The following FNDC3A variants were observed in gnomAD, a reference collection of about 807,000 sequenced individuals.
The protein encoded by FNDC3A is fibronectin type III domain containing 3A.
A neutral mutation model predicts 148.9 loss-of-function variants in FNDC3A; 32 were observed. The observed-to-expected ratio is 0.21, with a 90% CI of 0.16 to 0.29. The LOEUF (loss-of-function observed/expected upper bound fraction) is 0.29, where lower values mean the gene tolerates loss of function less well. Ranked by LOEUF, FNDC3A falls within the 10% of genes least tolerant of loss-of-function variation. The pLI, the probability that FNDC3A is intolerant of heterozygous loss-of-function variation, is 1.00. For missense variants in FNDC3A, 1,191 were observed against 1,452.8 expected (o/e 0.82, Z 2.93); for synonymous variants, 472 against 473.6 (o/e 1.00, Z 0.04).
intron 8 of FNDC3A, among the ~76,000 whole-genome samples, chr13:49,150,593 T>G (rs1398562726): frequency 6.6e-6 from 1 of 152,108 alleles, no homozygotes; most frequent in East Asian, 1.9e-4. Context: ...CTCTTGTTAT[T>G]GATTTCTAGT....
intron 2 of FNDC3A, among the ~76,000 whole-genome samples, chr13:49,064,044 A>G (rs1307528039): frequency 2.0e-5 from 3 of 152,192 alleles, no homozygotes; most frequent in African/African-American, 7.2e-5. Flanking sequence ...AAAGGACATC[A>G]ATAAATAGTC....
At chr13:49,205,428 C>A (rs1886603358) in intron 25 of FNDC3A, among the ~76,000 whole-genome samples, 1 of 152,100 alleles carries the variant, frequency 6.6e-6, no homozygotes, top group Admixed American at 6.5e-5. Flanking sequence ...TAAGTGAATC[C>A]TTTTACAGGT....
At chr13:49,039,526 T>TA (rs1294085188) in intron 2 of FNDC3A, among the ~76,000 whole-genome samples, 27 of 152,210 alleles carry the variant, frequency 1.8e-4, no homozygotes, top group Non-Finnish European at 2.8e-4. Flanking sequence ...TCTTAAATCT[T>TA]ATCTATCCTC....
rs190947047 is a variant in FNDC3A at position 49,027,467 on chromosome 13, T to A, written c.99+21178T>A. 8.6e-3 allele frequency among the ~76,000 whole-genome samples: 1,313 copies of A among 152,246 alleles called. 22 individuals are homozygous for A. The highest frequency in any genetic ancestry group is 0.037 in the South Asian group (178 of 4,818). On this transcript the variant is annotated intron_variant, in intron 2 of 25. Coordinates refer to ENST00000492622, the MANE Select transcript of FNDC3A (RefSeq NM_001079673.2). ...AATACAGTATAAATGTATTAAAAAATTTTTTTCTGTCTGATTTAAAAGTGA... is the reference window on the plus strand; with the variant it reads ...AATACAGTATAAATGTATTAAAAAAATTTTTTCTGTCTGATTTAAAAGTGA...
intron 7 of FNDC3A, among the ~76,000 whole-genome samples, chr13:49,142,791 T>C (rs766409846): frequency 2.3e-4 from 35 of 152,234 alleles, no homozygotes; most frequent in Non-Finnish European, 4.7e-4. Context: ...AATTCACTTA[T>C]GAAGTTTTCC....
intron 14 of FNDC3A, among the ~76,000 whole-genome samples, chr13:49,179,727 TC>T (rs1377590693): frequency 6.6e-6 from 1 of 152,206 alleles, no homozygotes; most frequent in African/African-American, 2.4e-5. Context: ...AGATTTGGGA[TC>T]CCCTACAAGC....
At chr13:49,054,292 ACAAC>A (rs1302064955) in intron 2 of FNDC3A, among the ~76,000 whole-genome samples, 1 of 152,194 alleles carries the variant, frequency 6.6e-6, no homozygotes, top group African/African-American at 2.4e-5. Flanking sequence ...TCTGTAGTAT[ACAAC>A]CTGTAGTATA....
intron 3 of FNDC3A, among the ~76,000 whole-genome samples, chr13:49,093,665 T>C (rs1254809391): frequency 1.3e-5 from 2 of 152,194 alleles, no homozygotes; most frequent in Non-Finnish European, 2.9e-5. Flanking sequence ...TTCTCAAACA[T>C]AGAGTACCTA....
chr13:49,159,789 C>T (rs1000646029), intron 8 of FNDC3A, among the ~76,000 whole-genome samples: 1 of 152,142 alleles, frequency 6.6e-6, no homozygotes, highest in African/African-American at 2.4e-5. Flanking sequence ...GAGAGACGTC[C>T]CATCAATACC....
intron 1 of FNDC3A, among the ~76,000 whole-genome samples, chr13:48,983,996 CAG>C (rs1329936390): frequency 6.6e-6 from 1 of 151,798 alleles, no homozygotes; most frequent in African/African-American, 2.4e-5. Context: ...TATGAGATAA[CAG>C]AAAAAGATTT....
At chr13:48,975,800 G>C (rs1951586259), upstream of FNDC3A, 1 of 151,740 alleles carries the variant, frequency 6.6e-6, no homozygotes. Context: ...CTCGCGTTCC[G>C]GTGAGAGAGC....
chr13:49,057,933 T>TC (rs774469685), intron 2 of FNDC3A, among the ~76,000 whole-genome samples: 9 of 151,820 alleles, frequency 5.9e-5, no homozygotes, highest in African/African-American at 1.5e-4. Flanking sequence ...GAATTGTATC[T>TC]CCCCCCCAAA....
At chr13:49,044,735 T>C (rs1352061878) in intron 2 of FNDC3A, 6 of 390,908 alleles carry the variant, frequency 1.5e-5, no homozygotes, top group South Asian at 9.0e-5. Flanking sequence ...GAACAAGATA[T>C]AGCAATAGCT....
chr13:49,015,363 A>G (rs962549480), intron 2 of FNDC3A, among the ~76,000 whole-genome samples: 1 of 152,060 alleles, frequency 6.6e-6, no homozygotes, highest in East Asian at 1.9e-4. Context: ...TTGAAGCAAT[A>G]GTGAATGGGA....
chr13:49,164,961 T>C (rs1008952900), intron 8 of FNDC3A, among the ~76,000 whole-genome samples: 1 of 152,244 alleles, frequency 6.6e-6, no homozygotes, highest in Non-Finnish European at 1.5e-5. Flanking sequence ...GTTGATGCTT[T>C]TGAATGTGTT....
At chr13:49,171,117 C>T (rs1190441214) in intron 10 of FNDC3A, among the ~76,000 whole-genome samples, 1 of 152,098 alleles carries the variant, frequency 6.6e-6, no homozygotes, top group Admixed American at 6.5e-5. Context: ...CCCTAACTTA[C>T]AAGCAAATTC....
chr13:49,120,301 A>G (rs1301123498), intron 4 of FNDC3A, among the ~76,000 whole-genome samples: 1 of 152,150 alleles, frequency 6.6e-6, no homozygotes, highest in Non-Finnish European at 1.5e-5. Flanking sequence ...GAGAGATTTC[A>G]TCACCACCAG....
chr13:49,152,294 T>C (rs184721651), intron 8 of FNDC3A, among the ~76,000 whole-genome samples: 2 of 152,308 alleles, frequency 1.3e-5, no homozygotes, highest in African/African-American at 4.8e-5. Flanking sequence ...TGGGATCTCA[T>C]TGTGGTTTTG....
intron 14 of FNDC3A, among the ~76,000 whole-genome samples, chr13:49,182,858 G>T (rs1885378255): frequency 6.6e-6 from 1 of 151,952 alleles, no homozygotes; most frequent in Admixed American, 6.6e-5. Context: ...TCTTCTTGGT[G>T]TATCCCTCTC....
Sources: gnomAD v4.1 joint callset for allele counts (sites outside exome capture counted in the v4.1 genomes callset) on GRCh38, gnomAD v4.1.1 for gene constraint, MANE v1.5 for transcripts, NCBI Gene and HGNC (gene_info 2026-07-23, HGNC 2026-07-21) for gene names.